AGBL2: variants seen among roughly 807,000 people sequenced by gnomAD.
AGBL2 encodes AGBL carboxypeptidase 2.
Under a neutral mutation model 103.0 loss-of-function variants are expected in AGBL2, and 87 were observed. That is an observed-to-expected ratio of 0.84 (90% CI 0.71 to 1.01). The LOEUF is 1.01. AGBL2 is among the 50% of genes least tolerant of loss of function. AGBL2 has a pLI of 0.00. For synonymous variants in AGBL2, 335 were observed against 356.7 expected (o/e 0.94, Z 0.69); for missense variants, 904 against 1,023.5 (o/e 0.88, Z 1.59).
intron 8 of AGBL2, among the ~76,000 whole-genome samples, chr11:47,695,607 C>T (rs1295961929): frequency 1.3e-5 from 2 of 149,112 alleles, no homozygotes; most frequent in African/African-American, 2.5e-5. Context: ...ACCCTGTCTC[C>T]ACTAATAATA....
intron 7 of AGBL2, among the ~76,000 whole-genome samples, chr11:47,703,984 C>G (rs147417006): frequency 0.015 from 2,207 of 150,436 alleles, 25 homozygotes; most frequent in Non-Finnish European, 0.023. Context: ...CATCTGTAAT[C>G]CCAGCTACTT....
At chr11:47,690,919 G>C (rs1423427364) in intron 9 of AGBL2, 61 bp from the exon 10 acceptor site, 2 of 1,356,862 alleles carry the variant, frequency 1.5e-6, no homozygotes, top group Non-Finnish European at 2.0e-6. Flanking sequence ...AAACAAATTG[G>C]GAAAATGTTG....
intron 11 of AGBL2, 87 bp from the exon 12 acceptor site, chr11:47,682,182 C>T: frequency 7.6e-7 from 1 of 1,315,320 alleles, no homozygotes; most frequent in Non-Finnish European, 1.1e-6. Context: ...AGAATAATTT[C>T]CTTGGGGTCC....
chr11:47,704,503 C>T (rs745758420), intron 7 of AGBL2, 40 bp downstream of exon 7: 110 of 1,309,836 alleles, frequency 8.4e-5, no homozygotes, highest in Non-Finnish European at 1.0e-4. Context: ...AAAAAAAAGT[C>T]AGGCAGAATA....
chr11:47,663,794 G>T (rs937624988), intron 17 of AGBL2, among the ~76,000 whole-genome samples: 1 of 150,226 alleles, frequency 6.7e-6, no homozygotes, highest in South Asian at 2.1e-4. Flanking sequence ...GACCTCAGGT[G>T]ATCCGCCCGC....
chr11:47,685,827 C>G, intron 11 of AGBL2, 66 bp downstream of exon 11: 2 of 1,479,586 alleles, frequency 1.4e-6, no homozygotes, highest in Non-Finnish European at 9.3e-7. Flanking sequence ...TAAAACACTA[C>G]ATATAGGAAG....
At chr11:47,676,712 G>A (rs776732820) in intron 14 of AGBL2, among the ~76,000 whole-genome samples, 1 of 151,720 alleles carries the variant, frequency 6.6e-6, no homozygotes, top group Non-Finnish European at 1.5e-5. Context: ...CCAGCTACTC[G>A]GGAGGCTGAG....
chr11:47,697,707 G>A (rs1036973810), intron 8 of AGBL2, among the ~76,000 whole-genome samples: 4 of 151,220 alleles, frequency 2.6e-5, no homozygotes, highest in African/African-American at 9.7e-5. Flanking sequence ...CACCACGCCC[G>A]GCTATTTTTT....
At chr11:47,706,192 C>T (rs758764888) in intron 4 of AGBL2, among the ~76,000 whole-genome samples, 5 of 152,104 alleles carry the variant, frequency 3.3e-5, no homozygotes, top group South Asian at 2.1e-4. Flanking sequence ...GAGGCCAAGG[C>T]GGGCGGATTA....
chr11:47,704,459 G>GT (rs1330930453), intron 7 of AGBL2, 84 bp downstream of exon 7: 6 of 1,248,484 alleles, frequency 4.8e-6, no homozygotes, highest in Non-Finnish European at 5.5e-6. Context: ...CTCCAGCCTG[G>GT]GAAATAGAGT....
rs7941404 is a variant in AGBL2, at chr11:47,690,661, C to T, written c.1046G>A (p.Arg349His). Residue 349 changes from arginine to histidine, a missense_variant, in exon 10 of 19, where the codon CGC (arginine) becomes CAC (histidine). Physicochemically the swap from Arg to His is conservative, Grantham distance 29. Coordinates refer to ENST00000525123, the MANE Select transcript of AGBL2 (RefSeq NM_024783.4). ...LLYSQLDANT[R>H]NIGWRREGNE... ...TCCTTCTCTCCTCCAGCCAATATTG[C>T]GGGTGTTGGCATCCAATTGGGAGTA... is the stretch of plus-strand genomic sequence containing the variant. 194,060 of 1,613,956 alleles carry T rather than the reference C, an allele frequency of 0.12. 13,323 individuals are homozygous for T. Among genetic ancestry groups the T allele is most frequent in the Non-Finnish European group, 0.14 (166,410 of 1,179,954 alleles).
chr11:47,700,218 A>G (rs1294019954), intron 7 of AGBL2, among the ~76,000 whole-genome samples: 1 of 151,936 alleles, frequency 6.6e-6, no homozygotes, highest in Non-Finnish European at 1.5e-5. Context: ...CTGCCTCCCA[A>G]ACTGCTGGGA....
At position 47,690,086 on chromosome 11, in the gene AGBL2, T is replaced by A; in HGVS notation, c.1621A>T (p.Met541Leu). The change falls in exon 10 of 19, where the codon ATG becomes TTG. Residue 541 changes from methionine (M) to leucine (L), a missense_variant. Coordinates refer to ENST00000525123, the MANE Select transcript of AGBL2 (RefSeq NM_024783.4). Reference protein sequence around the residue: ...SFPCIWYTRNMIKRLLEEREV... With the variant: ...SFPCIWYTRNLIKRLLEEREV... The stretch of plus-strand genomic sequence containing the variant: ...GATAAAAAGTCTCACCTTTTGATCA[T>A]GTTCCTGGTGTACCAAATACAAGGG... 6.2e-7 allele frequency: 1 copy of A among 1,605,804 alleles called. No individual in the cohort carries two copies. Among genetic ancestry groups the A allele is most frequent in the South Asian group, 1.1e-5 (1 of 89,574 alleles).
chr11:47,667,458 G>T, intron 16 of AGBL2, 113 bp downstream of exon 16: 1 of 1,298,336 alleles, frequency 7.7e-7, no homozygotes, highest in Non-Finnish European at 1.1e-6. Flanking sequence ...GTCTCCCTCT[G>T]CCCCAATCTC....
chr11:47,679,220 A>ACCAG (rs1443553888), intron 13 of AGBL2, among the ~76,000 whole-genome samples: 4 of 151,792 alleles, frequency 2.6e-5, no homozygotes, highest in Admixed American at 2.6e-4. Flanking sequence ...GGAGCTGGAG[A>ACCAG]CCAGCCTGGG....
chr11:47,706,489 C>T (rs1429912284), intron 4 of AGBL2, among the ~76,000 whole-genome samples: 1 of 151,884 alleles, frequency 6.6e-6, no homozygotes, highest in African/African-American at 2.4e-5. Flanking sequence ...GCACTCCAGC[C>T]TGGGGCACAG....
Position 47,668,354 on chromosome 11 carries a change from G to A in AGBL2, c.2214+487C>T, listed in dbSNP as rs906099783. On this transcript the variant is annotated intron_variant, in intron 15 of 18. Transcript: ENST00000525123. ...TCTACTAAAAATACAAAAATTAGCC[G>A]GGCGTGGTGGCATGTGCCTGTAATC... Among the ~76,000 whole-genome samples the A allele has an allele frequency of 9.2e-5, 14 of 151,728 alleles. 1 individual carries two copies. Among genetic ancestry groups the A allele is most frequent in the South Asian group, 4.1e-4 (2 of 4,820 alleles).
At chr11:47,678,774 C>T (rs1370258114) in intron 13 of AGBL2, among the ~76,000 whole-genome samples, 1 of 151,586 alleles carries the variant, frequency 6.6e-6, no homozygotes, top group Non-Finnish European at 1.5e-5. Context: ...GAAAAGACAC[C>T]TGGCTGGGCA....
At chr11:47,690,951 T>G (rs1426298248) in intron 9 of AGBL2, 93 bp from the exon 10 acceptor site, 1 of 1,010,864 alleles carries the variant, frequency 9.9e-7, no homozygotes, top group East Asian at 2.5e-5. Flanking sequence ...TAAAAACAGG[T>G]CTTATTACAA....
Sources: gnomAD v4.1 joint callset for allele counts (sites outside exome capture counted in the v4.1 genomes callset) on GRCh38, gnomAD v4.1.1 for gene constraint, MANE v1.5 for transcripts, NCBI Gene and HGNC (gene_info 2026-07-23, HGNC 2026-07-21) for gene names.